WDR48: variants seen among roughly 807,000 people sequenced by gnomAD.
WDR48 encodes the protein WD repeat domain 48.
A neutral mutation model predicts 94.0 loss-of-function variants in WDR48; 22 were observed. That is an observed-to-expected ratio of 0.23 (90% CI 0.17 to 0.33). The LOEUF is 0.33. Ranked by LOEUF, WDR48 falls within the 10% of genes least tolerant of loss-of-function variation. The pLI, the probability that WDR48 is intolerant of heterozygous loss-of-function variation, is 1.00. For synonymous variants in WDR48, 278 were observed against 280.5 expected (o/e 0.99, Z 0.09); for missense variants, 541 against 813.8 (o/e 0.66, Z 4.08).
intron 7 of WDR48, among the ~76,000 whole-genome samples, chr3:39,070,740 G>A (rs2033878558): frequency 6.9e-6 from 1 of 145,082 alleles, no homozygotes; most frequent in Non-Finnish European, 1.5e-5. Context: ...TGTGCACAAT[G>A]TGCAGGTTAG....
At chr3:39,094,503 A>T in intron 18 of WDR48, 145 bp from the exon 19 acceptor site, 1 of 1,537,046 alleles carries the variant, frequency 6.5e-7, no homozygotes, top group Non-Finnish European at 8.7e-7. Flanking sequence ...TCCCGCATGC[A>T]TGGAAGCCGT....
intron 18 of WDR48, chr3:39,094,430 A>T: frequency 1.3e-6 from 2 of 1,527,514 alleles, no homozygotes; most frequent in Non-Finnish European, 1.8e-6. Context: ...GAATGGCTGA[A>T]AGATGGCCTG....
chr3:39,088,088 C>G (rs1333555076), intron 14 of WDR48, 40 bp from the exon 15 acceptor site: 1 of 1,583,352 alleles, frequency 6.3e-7, no homozygotes, highest in South Asian at 1.1e-5. Context: ...GTATTTTTAG[C>G]ACTAACTCTG....
chr3:39,055,803 C>T (rs2032839150), intron 1 of WDR48, among the ~76,000 whole-genome samples: 1 of 152,152 alleles, frequency 6.6e-6, no homozygotes, highest in Non-Finnish European at 1.5e-5. Context: ...CATTTTTCCT[C>T]CTGTTATGGC....
intron 15 of WDR48, among the ~76,000 whole-genome samples, chr3:39,088,951 G>T (rs943830490): frequency 1.3e-5 from 2 of 152,128 alleles, no homozygotes; most frequent in African/African-American, 4.8e-5. Context: ...ACCTTTACTG[G>T]GTGCTTTGCT....
rs2035318102 is a variant in WDR48, at chr3:39,096,110, A to G, written c.*1367A>G. 6.6e-6 allele frequency: 1 copy of G among 152,654 alleles called. No individual in the cohort carries two copies. The highest frequency in any genetic ancestry group is 2.1e-4 in the South Asian group (1 of 4,836). The allele number at this position is 152,654 out of a possible 1,614,324, so 9.5% of individuals were successfully genotyped here. A position where few individuals can be genotyped will look rare whatever the true frequency, so the allele number is the denominator to read the frequency against. ...CGGCTGGGGGCAGCTGATAGGCCTA[A>G]GGCCATACCTTACTATTTAAGATAC... On this transcript the variant is annotated 3_prime_UTR_variant, in exon 19 of 19. Transcript: ENST00000302313.
At chr3:39,057,505 A>T (rs2032972527) in intron 1 of WDR48, among the ~76,000 whole-genome samples, 1 of 152,250 alleles carries the variant, frequency 6.6e-6, no homozygotes, top group South Asian at 2.1e-4. Context: ...ATCAAATTTT[A>T]AAAACTAAGT....
chr3:39,070,140 T>C (rs1175108027), intron 7 of WDR48, among the ~76,000 whole-genome samples: 1 of 152,226 alleles, frequency 6.6e-6, no homozygotes, highest in Non-Finnish European at 1.5e-5. Context: ...TATGTAGATA[T>C]AGTTGATAAA....
rs2034123813 is a variant in WDR48, at chr3:39,074,734, A to G, written c.681A>G (p.Ser227=). Residue 227 remains serine (S), a synonymous_variant, in exon 8 of 19, where the codon TCA becomes TCG. Coordinates refer to ENST00000302313, the MANE Select transcript of WDR48 (RefSeq NM_020839.4). The stretch of plus-strand genomic sequence containing the variant: ...CCTTTCTTTGTTTGCAGTGCCTGTC[A>G]GGCAGTTCTGATGGGACAATTCGCC... The part of the protein sequence containing the change: ...LLNRDGTQCL[S]GSSDGTIRLW... 1.2e-6 allele frequency: 2 copies of G among 1,614,152 alleles called. No homozygotes were observed. Among genetic ancestry groups the G allele is most frequent in the East Asian group, 2.2e-5 (1 of 44,884 alleles).
chr3:39,088,295 G>T, intron 15 of WDR48, 62 bp downstream of exon 15: 1 of 1,484,512 alleles, frequency 6.7e-7, no homozygotes, highest in Non-Finnish European at 9.4e-7. Flanking sequence ...AAGAAGTGTC[G>T]ACTCAAACTC....
intron 1 of WDR48, 47 bp from the exon 2 acceptor site, chr3:39,063,003 T>C: frequency 1.2e-6 from 2 of 1,605,394 alleles, no homozygotes; most frequent in Non-Finnish European, 1.7e-6. Context: ...ATTTTATTAC[T>C]GCATGGCTTG....
chr3:39,093,053 A>T (rs1039387892), intron 17 of WDR48, among the ~76,000 whole-genome samples: 17 of 152,206 alleles, frequency 1.1e-4, no homozygotes, highest in African/African-American at 4.1e-4. Context: ...TGATGAGTCT[A>T]GTTTGGGACA....
At chr3:39,089,144 T>C (rs1470619548) in intron 15 of WDR48, 87 bp from the exon 16 acceptor site, 1 of 1,221,622 alleles carries the variant, frequency 8.2e-7, no homozygotes, top group South Asian at 1.4e-5. Context: ...ATGAAAACCA[T>C]GAGGGTTCCT....
rs2035261730 is a variant in WDR48, at chr3:39,094,814, C to T, written c.*71C>T. ...TGGCCCCAAGAGTAGTCCTAGGAAG[C>T]CCACTGATCCCCAACGGGAGCAAGA... On this transcript the variant is annotated 3_prime_UTR_variant, in exon 19 of 19. Transcript: ENST00000302313. 1.3e-6 allele frequency: 2 copies of T among 1,561,218 alleles called. No individual in the cohort carries two copies. The highest frequency in any genetic ancestry group is 2.7e-5 in the African/African-American group (2 of 72,892).
chr3:39,094,770 C>T lies in WDR48; in HGVS notation c.*27C>T, dbSNP rs1284219933. The T allele has an allele frequency of 4.3e-6, 7 of 1,612,942 alleles. No individual in the cohort carries two copies. Among genetic ancestry groups the T allele is most frequent in the Non-Finnish European group, 5.9e-6 (7 of 1,179,656 alleles). Reference sequence around the variant, plus strand: ...GGCTGGGCTAATGCTCCTGGATATTCATTTACGACCTTCCTCTATGGCCCC... The same window carrying T: ...GGCTGGGCTAATGCTCCTGGATATTTATTTACGACCTTCCTCTATGGCCCC... On this transcript the variant is annotated 3_prime_UTR_variant, in exon 19 of 19. Coordinates refer to ENST00000302313, the MANE Select transcript of WDR48 (RefSeq NM_020839.4).
intron 14 of WDR48, 113 bp from the exon 15 acceptor site, chr3:39,088,015 A>T: frequency 1.0e-6 from 1 of 964,778 alleles, no homozygotes; most frequent in Non-Finnish European, 1.6e-6. Flanking sequence ...TGGTGGACTT[A>T]GAGGACATTT....
chr3:39,055,482 C>G (rs539422179), intron 1 of WDR48, among the ~76,000 whole-genome samples: 1 of 152,166 alleles, frequency 6.6e-6, no homozygotes, highest in East Asian at 1.9e-4. Flanking sequence ...GAGACTCCAT[C>G]TCAAAAATAA....
rs748619060 is a variant in WDR48, at chr3:39,074,815, T to G, written c.762T>G (p.Gly254=). The G allele has an allele frequency of 6.2e-7, 1 of 1,614,146 alleles. No homozygotes were observed. Among genetic ancestry groups the G allele is most frequent in the Non-Finnish European group, 8.5e-7 (1 of 1,180,014 alleles). The stretch of plus-strand genomic sequence containing the variant: ...CAACATACCGAGTCCATGATGAAGG[T>G]GTTTGGGCGCTGCAAGTCAATGATG... ...CIATYRVHDE[G]VWALQVNDAF... is the part of the protein sequence containing the mutation. The change falls in exon 8 of 19, where the codon GGT becomes GGG. Residue 254 remains glycine (G), a synonymous_variant. Coordinates refer to ENST00000302313, the MANE Select transcript of WDR48 (RefSeq NM_020839.4).
intron 1 of WDR48, among the ~76,000 whole-genome samples, chr3:39,057,499 A>G (rs1304296999): frequency 6.6e-6 from 1 of 152,388 alleles, no homozygotes; most frequent in African/African-American, 2.4e-5. Context: ...CAAATGATCA[A>G]ATTTTAAAAA....
Sources: allele counts gnomAD v4.1 joint callset (sites outside exome capture counted in the v4.1 genomes callset), GRCh38; gene constraint gnomAD v4.1.1; transcripts MANE v1.5; gene names NCBI Gene and HGNC (gene_info 2026-07-23, HGNC 2026-07-21).